The following LPA variants were observed in gnomAD, a reference collection of about 807,000 sequenced individuals.
LPA encodes apolipoprotein(a).
A neutral mutation model predicts 197.9 loss-of-function variants in LPA; 199 were observed. That is an observed-to-expected ratio of 1.01 (90% CI 0.90 to 1.13). The LOEUF is 1.13. Among genes scored for constraint, LPA ranks in the 50% most tolerant of loss-of-function variants. The pLI is 0.00. For synonymous variants in LPA, 715 were observed against 639.5 expected, an observed-to-expected ratio of 1.12 and a Z score of -1.78; for missense variants, 1,853 against 1,785.8, an observed-to-expected ratio of 1.04 and a Z score of -0.68.
At chr6:160,546,788 C>T (rs538538551) in intron 32 of LPA, among the ~76,000 whole-genome samples, 2 of 152,296 alleles carry the variant, frequency 1.3e-5, no homozygotes, top group East Asian at 3.9e-4. Flanking sequence ...TGTTATGTTA[C>T]ATGGGTGTGA....
chr6:160,652,060 T>C (rs1582900678), intron 1 of LPA, among the ~76,000 whole-genome samples: 1 of 131,034 alleles, frequency 7.6e-6, no homozygotes, highest in East Asian at 2.1e-4. Flanking sequence ...TATGAAGCAA[T>C]ATGAATGATC....
chr6:160,584,237 T>TCC (rs1562331284), intron 26 of LPA, among the ~76,000 whole-genome samples: 1,226 of 68,930 alleles, frequency 0.018, 10 homozygotes, highest in East Asian at 0.035. Flanking sequence ...CTTCTTCTTC[T>TCC]TCCTCCTCCT....
intron 26 of LPA, among the ~76,000 whole-genome samples, chr6:160,581,459 C>T (rs1275743471): frequency 2.6e-5 from 4 of 152,058 alleles, no homozygotes; most frequent in African/African-American, 9.7e-5. Context: ...GGCACCAAAC[C>T]TGGCTAATTT....
At chr6:160,661,432 C>T (rs758750607) in intron 1 of LPA, among the ~76,000 whole-genome samples, 4 of 151,982 alleles carry the variant, frequency 2.6e-5, no homozygotes, top group African/African-American at 9.7e-5. Context: ...GTTTGTATGC[C>T]GATGACAAGT....
In LPA at chr6:160,571,729, C is replaced by G. The variant is rs181039552; in HGVS notation, c.4631+5407G>C. Among the ~76,000 whole-genome samples, 274 of 152,322 alleles carry G rather than the reference C, an allele frequency of 1.8e-3. 4 individuals carry two copies. In the East Asian group the frequency reaches 0.045, roughly 25 times the overall value. ...TATTTGTGGATACCCCTCCTCCCAC[C>G]AAGCTTGAGCGTCCCAGGTCAACTT... On this transcript the variant is annotated intron_variant, in intron 28 of 38. Coordinates refer to ENST00000316300, the MANE Select transcript of LPA (RefSeq NM_005577.4).
chr6:160,604,996 G>T (rs765303561), intron 18 of LPA, 50 bp downstream of exon 18: 1 of 1,610,354 alleles, frequency 6.2e-7, no homozygotes, highest in Admixed American at 1.7e-5. Context: ...TCTACTAACA[G>T]AAATTTCCAC....
intron 23 of LPA, among the ~76,000 whole-genome samples, 166 bp from the exon 24 acceptor site, chr6:160,589,878 T>C (rs1295793339): frequency 6.6e-6 from 1 of 152,240 alleles, no homozygotes; most frequent in Admixed American, 6.5e-5. Flanking sequence ...CAAAGATTCA[T>C]AGCATTCTGG....
At chr6:160,589,854 C>T (rs748765923) in intron 23 of LPA, 142 bp from the exon 24 acceptor site, 23 of 927,344 alleles carry the variant, frequency 2.5e-5, no homozygotes, top group African/African-American at 1.6e-5. Flanking sequence ...GATGGACATG[C>T]CAATAACAAA....
chr6:160,657,276 T>C (rs1780148697), intron 1 of LPA, among the ~76,000 whole-genome samples: 1 of 152,110 alleles, frequency 6.6e-6, no homozygotes, highest in East Asian at 1.9e-4. Flanking sequence ...CACTCCACCA[T>C]CCTAATCTCC....
chr6:160,541,236 A>T (rs1468123001), intron 34 of LPA, 55 bp from the exon 35 acceptor site: 1 of 1,256,602 alleles, frequency 8.0e-7, no homozygotes, highest in East Asian at 2.3e-5. Context: ...GTTCTACTTC[A>T]TTGTACAGAA....
intron 28 of LPA, among the ~76,000 whole-genome samples, chr6:160,571,529 G>A (rs1025422263): frequency 2.0e-5 from 3 of 152,184 alleles, no homozygotes; most frequent in African/African-American, 7.2e-5. Flanking sequence ...TTATCTATAA[G>A]CTTCTGACTG....
In LPA at chr6:160,547,729, T is replaced by C; in HGVS notation, c.5304+60A>G. 1.9e-6 allele frequency: 3 copies of C among 1,611,530 alleles called. 1 individual carries two copies. The South Asian group carries it at 3.3e-5, about 18-fold the overall frequency. ...TCTTTCCAGTATTTTCCTCTGCCCC[T>C]CTTCTGTTTGAAAAGATTTGTCAGC... On this transcript the variant is annotated intron_variant, in intron 32 of 38. Coordinates refer to ENST00000316300, the MANE Select transcript of LPA (RefSeq NM_005577.4).
chr6:160,595,573 G>A, intron 20 of LPA, 38 bp from the exon 21 acceptor site: 1 of 1,613,706 alleles, frequency 6.2e-7, no homozygotes, highest in Non-Finnish European at 8.5e-7. Context: ...CCAGAGATGG[G>A]AGAAGATTCA....
chr6:160,553,902 C>G (rs1004153943), intron 30 of LPA, among the ~76,000 whole-genome samples: 4 of 135,808 alleles, frequency 2.9e-5, no homozygotes, highest in African/African-American at 5.6e-5. Flanking sequence ...TTTTTTTCAG[C>G]CTTTCTCTCT....
chr6:160,556,630 G>A lies in LPA; in HGVS notation c.4814-446C>T, dbSNP rs559044828. Among the ~76,000 whole-genome samples, 7 of 152,190 alleles carry A rather than the reference G, an allele frequency of 4.6e-5. No individual in the cohort carries two copies. In the East Asian group the frequency reaches 5.8e-4, roughly 13 times the overall value. ...CCAAAGCCTTAAGCTTCTGGTGGAC[G>A]GGGCAGTTCATGGTCCTGCATCTAG... On this transcript the variant is annotated intron_variant, in intron 29 of 38. Coordinates refer to ENST00000316300, the MANE Select transcript of LPA (RefSeq NM_005577.4).
chr6:160,594,152 T>C (rs1779086293), intron 21 of LPA, 35 bp from the exon 22 acceptor site: 2 of 1,613,000 alleles, frequency 1.2e-6, no homozygotes, highest in African/African-American at 2.7e-5. Context: ...AGCTGAGTAA[T>C]TTCTAGAACA....
At position 160,577,262 on chromosome 6, in the gene LPA, C is replaced by G; in HGVS notation, c.4505G>C (p.Cys1502Ser). Residue 1502 changes from cysteine (C) to serine (S), a missense_variant, in exon 28 of 39, where the codon TGC becomes TCC. Cys to Ser is a moderately radical substitution (Grantham distance 112). This residue lies in a region of LPA where 1,737 missense variants were observed against 1,504.4 expected (regional missense o/e 1.15). Transcript: ENST00000316300. ...PPEKSPVVQDCYHGDGRSYRG... is the reference protein window; with the variant it reads ...PPEKSPVVQDSYHGDGRSYRG... ...ATAACTCCGTCCATCACCATGGTAG[C>G]AATCCTGGACCACAGGGCTTTTCTC... is the stretch of plus-strand genomic sequence containing the variant. 3 of 1,613,790 alleles carry G rather than the reference C, an allele frequency of 1.9e-6. No individual in the cohort carries two copies. Among genetic ancestry groups the G allele is most frequent in the Non-Finnish European group, 2.5e-6 (3 of 1,179,810 alleles).
At chr6:160,585,906 G>A (rs1583598206) in intron 25 of LPA, among the ~76,000 whole-genome samples, 1 of 152,184 alleles carries the variant, frequency 6.6e-6, no homozygotes, top group East Asian at 1.9e-4. Flanking sequence ...TCAAATCCTA[G>A]GTGTGGAAGG....
intron 21 of LPA, 66 bp downstream of exon 21, chr6:160,595,288 T>C (rs1779108152): frequency 4.4e-6 from 7 of 1,588,842 alleles, no homozygotes; most frequent in Admixed American, 1.7e-5. Context: ...TCTATATCAC[T>C]AAGATTTTGC....
Sources: gnomAD v4.1 joint callset for allele counts (sites outside exome capture counted in the v4.1 genomes callset) on GRCh38, gnomAD v4.1.1 for gene constraint, gnomAD v4.1.1 regional missense constraint, MANE v1.5 for transcripts, NCBI Gene and HGNC (gene_info 2026-07-23, HGNC 2026-07-21) for gene names.